CNTN6: variants seen among roughly 807,000 people sequenced by gnomAD.
CNTN6 encodes contactin-6.
Under a neutral mutation model 122.8 loss-of-function variants are expected in CNTN6, and 137 were observed. The ratio of observed to expected loss-of-function variants is 1.12; its 90% confidence interval spans 0.97 to 1.29. The LOEUF is 1.29. Ranked by LOEUF, CNTN6 falls within the 50% of genes most tolerant of loss-of-function variation. CNTN6 has a pLI of 0.00. For missense variants in CNTN6, 1,634 were observed against 1,223.4 expected, an observed-to-expected ratio of 1.34 and a Z score of -5.01; for synonymous variants, 570 against 426.0, an observed-to-expected ratio of 1.34 and a Z score of -4.16.
At chr3:1,146,946 C>T (rs2092735862) in intron 1 of CNTN6, among the ~76,000 whole-genome samples, 1 of 151,896 alleles carries the variant, frequency 6.6e-6, no homozygotes, top group African/African-American at 2.4e-5. Flanking sequence ...GATTTTTATC[C>T]TTTGATTAAA....
intron 1 of CNTN6, among the ~76,000 whole-genome samples, chr3:1,132,921 T>A (rs1232484368): frequency 2.0e-5 from 3 of 152,060 alleles, no homozygotes; most frequent in Non-Finnish European, 4.4e-5. Context: ...GAACAATAAC[T>A]CAAAATTATT....
chr3:1,124,926 C>T (rs2092105280), intron 1 of CNTN6, among the ~76,000 whole-genome samples: 1 of 151,848 alleles, frequency 6.6e-6, no homozygotes, highest in Non-Finnish European at 1.5e-5. Context: ...CTGGGAGGGT[C>T]GTATTATTGC....
At chr3:1,221,297 AC>A (rs1219798169) in intron 3 of CNTN6, among the ~76,000 whole-genome samples, 1 of 152,196 alleles carries the variant, frequency 6.6e-6, no homozygotes, top group African/African-American at 2.4e-5. Flanking sequence ...AATTTGAAAG[AC>A]TAAAATGTAA....
chr3:1,328,962 T>G (rs2125995866), intron 10 of CNTN6, among the ~76,000 whole-genome samples: 1 of 151,810 alleles, frequency 6.6e-6, no homozygotes, highest in Admixed American at 6.6e-5. Flanking sequence ...CTGATTTATT[T>G]CAATAGTATT....
chr3:1,099,352 G>A (rs552765853), intron 1 of CNTN6, among the ~76,000 whole-genome samples: 1 of 152,092 alleles, frequency 6.6e-6, no homozygotes, highest in East Asian at 1.9e-4. Flanking sequence ...TGGGGAGGCT[G>A]AGGCGGGAGA....
At chr3:1,309,617 T>C (rs1352286116) in intron 7 of CNTN6, among the ~76,000 whole-genome samples, 2 of 152,188 alleles carry the variant, frequency 1.3e-5, no homozygotes, top group Admixed American at 1.3e-4. Flanking sequence ...TTTGTTTTGC[T>C]TTCCTTGTCT....
At chr3:1,363,925 CTT>C (rs1326696194) in intron 12 of CNTN6, among the ~76,000 whole-genome samples, 2 of 151,874 alleles carry the variant, frequency 1.3e-5, no homozygotes, top group Non-Finnish European at 2.9e-5. Flanking sequence ...ACAGTCATCT[CTT>C]GTCTTTTTGA....
intron 5 of CNTN6, among the ~76,000 whole-genome samples, chr3:1,282,243 G>T (rs1425608466): frequency 1.3e-5 from 2 of 149,452 alleles, no homozygotes; most frequent in Non-Finnish European, 3.0e-5. Flanking sequence ...GCTGACTCCA[G>T]CATAGGCCTT....
At chr3:1,261,322 A>G (rs2094843110) in intron 4 of CNTN6, among the ~76,000 whole-genome samples, 1 of 152,144 alleles carries the variant, frequency 6.6e-6, no homozygotes, top group South Asian at 2.1e-4. Context: ...TAGCAAAAGG[A>G]GAAAACCCAA....
At chr3:1,095,793 C>G (rs575332266) in intron 1 of CNTN6, among the ~76,000 whole-genome samples, 3 of 152,206 alleles carry the variant, frequency 2.0e-5, no homozygotes, top group African/African-American at 4.8e-5. Context: ...CATACCACCT[C>G]AATTTAAACT....
rs1418420353 is a variant in CNTN6, at chr3:1,098,808, ATATATATATAGT to A, written c.-83+5689_-83+5700del. Among the ~76,000 whole-genome samples the A allele has an allele frequency of 2.9e-3, 405 of 139,224 alleles. 3 individuals are homozygous for A. Among genetic ancestry groups the A allele is most frequent in the African/African-American group, 0.011 (391 of 36,898 alleles). The allele number at this position is 139,224 out of a possible 152,430, so 91.3% of individuals were successfully genotyped here. On this transcript the variant is annotated intron_variant, in intron 1 of 22. Coordinates refer to ENST00000446702, the MANE Select transcript of CNTN6 (RefSeq NM_001289080.2). ...CACACACATATATATATATATATAT[ATATATATATAGT>A]GGGAAATTTTAAGTATTCAGGTAAG...
At chr3:1,381,624 C>G (rs896220758) in intron 17 of CNTN6, among the ~76,000 whole-genome samples, 3 of 152,158 alleles carry the variant, frequency 2.0e-5, no homozygotes, top group African/African-American at 4.8e-5. Context: ...TGAATAGTCT[C>G]TCATGCTTAT....
rs188297155 is a variant in CNTN6, at chr3:1,122,470, C to A, written c.-82-25457C>A. Reference sequence around the variant, plus strand: ...TATAATTCCCATGACATAAAAGTAACCGTTGTAAAGTGGACAATTCGGTTG... The same window carrying A: ...TATAATTCCCATGACATAAAAGTAAACGTTGTAAAGTGGACAATTCGGTTG... On this transcript the variant is annotated intron_variant, in intron 1 of 22. Transcript: ENST00000446702. Among the ~76,000 whole-genome samples, 307 of 149,694 alleles carry A rather than the reference C, an allele frequency of 2.1e-3. 2 individuals carry two copies. The highest frequency in any genetic ancestry group is 7.3e-3 in the African/African-American group (300 of 41,142).
At chr3:1,142,039 G>A (rs528326945) in intron 1 of CNTN6, among the ~76,000 whole-genome samples, 90 of 152,120 alleles carry the variant, frequency 5.9e-4, no homozygotes, top group African/African-American at 2.0e-3. Context: ...CAAGCCTGCC[G>A]GACAAACCAA....
At chr3:1,264,409 A>G (rs1575473643) in intron 4 of CNTN6, among the ~76,000 whole-genome samples, 1 of 152,272 alleles carries the variant, frequency 6.6e-6, no homozygotes, top group African/African-American at 2.4e-5. Flanking sequence ...TTGTAAACTT[A>G]TTGAATCAGC....
chr3:1,204,042 T>C (rs2093922937), intron 2 of CNTN6, among the ~76,000 whole-genome samples: 1 of 152,210 alleles, frequency 6.6e-6, no homozygotes, highest in African/African-American at 2.4e-5. Flanking sequence ...GTAAGTGCAC[T>C]CTGTGATATT....
chr3:1,211,282 C>T (rs1473663101), intron 2 of CNTN6, among the ~76,000 whole-genome samples: 2 of 152,100 alleles, frequency 1.3e-5, no homozygotes, highest in Non-Finnish European at 2.9e-5. Flanking sequence ...GAAATTTACC[C>T]AGGCTCATAC....
At chr3:1,336,487 GT>G (rs1703082004) in intron 11 of CNTN6, among the ~76,000 whole-genome samples, 1 of 152,112 alleles carries the variant, frequency 6.6e-6, no homozygotes, top group Admixed American at 6.6e-5. Flanking sequence ...GTTTCAGAAA[GT>G]GATTATATTC....
At chr3:1,344,372 T>A (rs1166346722) in intron 11 of CNTN6, among the ~76,000 whole-genome samples, 1 of 152,150 alleles carries the variant, frequency 6.6e-6, no homozygotes, top group Non-Finnish European at 1.5e-5. Context: ...AGAAACCACT[T>A]GGGAACAGTC....
Sources: gnomAD v4.1 joint callset for allele counts (sites outside exome capture counted in the v4.1 genomes callset) on GRCh38, gnomAD v4.1.1 for gene constraint, MANE v1.5 for transcripts, NCBI Gene and HGNC (gene_info 2026-07-23, HGNC 2026-07-21) for gene names.